The following COL17A1 variants were observed in gnomAD, a reference collection of about 807,000 sequenced individuals.
The protein encoded by COL17A1 is collagen alpha-1(XVII) chain.
A neutral mutation model predicts 218.4 loss-of-function variants in COL17A1; 181 were observed. The observed-to-expected ratio is 0.83, with a 90% CI of 0.73 to 0.94. The LOEUF is 0.94. Ranked by LOEUF, COL17A1 falls within the 40% of genes least tolerant of loss-of-function variation. COL17A1 has a pLI of 0.00. For missense variants in COL17A1, 1,924 were observed against 1,945.9 expected, an observed-to-expected ratio of 0.99 and a Z score of 0.21; for synonymous variants, 721 against 731.0, an observed-to-expected ratio of 0.99 and a Z score of 0.22.
In COL17A1 at chr10:104,078,709, T is replaced by C. The variant is rs1221782070; in HGVS notation, c.53-123A>G. 7.4e-6 allele frequency: 10 copies of C among 1,355,916 alleles called. No individual in the cohort carries two copies. In the Admixed American group the frequency reaches 1.8e-4, roughly 24 times the overall value. The allele number at this position is 1,355,916 out of a possible 1,614,324, so 84.0% of individuals were successfully genotyped here. A position where few individuals can be genotyped will look rare whatever the true frequency, so the allele number is the denominator to read the frequency against. On this transcript the variant is annotated intron_variant, in intron 2 of 55. Coordinates refer to ENST00000648076, the MANE Select transcript of COL17A1 (RefSeq NM_000494.4). The stretch of plus-strand genomic sequence containing the variant: ...ATTAGGTTCGACATTGATTTTTCTA[T>C]CCTTGTGCTTTAAGGTGTGTGATCT...
chr10:104,059,731 C>T lies in COL17A1; in HGVS notation c.1142-13G>A. 6.2e-7 allele frequency: 1 copy of T among 1,612,816 alleles called. No individual in the cohort carries two copies. Among genetic ancestry groups the T allele is most frequent in the Non-Finnish European group, 8.5e-7 (1 of 1,178,806 alleles). ...TCTGAAAAAGAAGCTATGTACAGAACCCATTATAACCTGGCATATTCTCTT... is the reference window on the plus strand; with the variant it reads ...TCTGAAAAAGAAGCTATGTACAGAATCCATTATAACCTGGCATATTCTCTT... On this transcript the variant is annotated splice_polypyrimidine_tract_variant and intron_variant, in intron 14 of 55. Coordinates refer to ENST00000648076, the MANE Select transcript of COL17A1 (RefSeq NM_000494.4).
chr10:104,059,968 G>A (rs1564680988), intron 14 of COL17A1, 151 bp downstream of exon 14: 3 of 1,374,962 alleles, frequency 2.2e-6, no homozygotes, highest in African/African-American at 1.4e-5. Flanking sequence ...GGCAGACCCT[G>A]GAACATACTA....
intron 48 of COL17A1, among the ~76,000 whole-genome samples, chr10:104,036,167 GGTGT>G (rs369781596): frequency 5.3e-3 from 3 of 562 alleles, no homozygotes; most frequent in South Asian, 0.029. Flanking sequence ...TGTGAGTATG[GGTGT>G]GTGTGTATGG....
chr10:104,047,720 C>G lies in COL17A1; in HGVS notation c.2335+19G>C. 1 of 1,608,754 alleles carries G rather than the reference C, an allele frequency of 6.2e-7. No individual in the cohort carries two copies. The highest frequency in any genetic ancestry group is 1.3e-5 in the African/African-American group (1 of 74,920). The stretch of plus-strand genomic sequence containing the variant: ...CACACACTAAGCAGGGCCATGGCTC[C>G]CTCTTCCTGCTCTGTTACCTGGCTT... On this transcript the variant is annotated intron_variant, in intron 31 of 55. Coordinates refer to ENST00000648076, the MANE Select transcript of COL17A1 (RefSeq NM_000494.4).
chr10:104,064,414 G>T, intron 10 of COL17A1, 24 bp downstream of exon 10: 1 of 1,613,830 alleles, frequency 6.2e-7, no homozygotes, highest in Non-Finnish European at 8.5e-7. Flanking sequence ...GGGTGAGAGA[G>T]GGTGTGGGCT....
rs533747899 is a variant in COL17A1, at chr10:104,085,704, A to T, written c.-12+19T>A. The T allele has an allele frequency of 6.5e-6, 1 of 152,680 alleles. No homozygotes were observed. The highest frequency in any genetic ancestry group is 1.5e-5 in the Non-Finnish European group (1 of 68,042). 9.5% of individuals were successfully genotyped at this position (152,680 alleles called of 1,614,324 possible). The stretch of plus-strand genomic sequence containing the variant: ...AGTCTCAGAGAAAAGGAGAAAGGTC[A>T]GTCTTCCTGTTTACTTACCTGGTTT... On this transcript the variant is annotated intron_variant, in intron 1 of 55. Coordinates refer to ENST00000648076, the MANE Select transcript of COL17A1 (RefSeq NM_000494.4).
chr10:104,060,751 T>A lies in COL17A1; in HGVS notation c.980-471A>T, dbSNP rs527292960. Among the ~76,000 whole-genome samples, 3 of 152,350 alleles carry A rather than the reference T, an allele frequency of 2.0e-5. No homozygotes were observed. In the East Asian group the frequency reaches 5.8e-4, roughly 29 times the overall value. ...TCTACCACATTACTTATTGCTTTCC[T>A]TATAATCTGTATCCTTTTCTGTAAT... On this transcript the variant is annotated intron_variant, in intron 13 of 55. Coordinates refer to ENST00000648076, the MANE Select transcript of COL17A1 (RefSeq NM_000494.4).
At chr10:104,041,371 A>G (rs1297234831) in intron 37 of COL17A1, 27 bp from the exon 38 acceptor site, 3 of 1,609,062 alleles carry the variant, frequency 1.9e-6, no homozygotes, top group East Asian at 4.5e-5. Context: ...GGAAGAGGCC[A>G]TGCTGAGCTC....
rs764413943 is a variant in COL17A1 at position 104,037,110 on chromosome 10, G to A, written c.3212C>T (p.Ser1071Leu). The A allele has an allele frequency of 3.1e-6, 5 of 1,603,618 alleles. No individual in the cohort carries two copies. The highest frequency in any genetic ancestry group is 3.4e-6 in the Non-Finnish European group (4 of 1,175,216). ...ASHVVSYLRT[S>L]GYGVSLFSSS... ...CGAGAACAAGCTGACACCGTACCCCGAAGCTGTCGGGAAGAAAACCTCAGG... is the reference window on the plus strand; with the variant it reads ...CGAGAACAAGCTGACACCGTACCCCAAAGCTGTCGGGAAGAAAACCTCAGG... Residue 1071 changes from serine (S) to leucine (L), a missense_variant, in exon 47 of 56, where the codon TCG (serine) becomes TTG (leucine). Coordinates refer to ENST00000648076, the MANE Select transcript of COL17A1 (RefSeq NM_000494.4).
chr10:104,045,352 G>A (rs925904665), intron 33 of COL17A1, among the ~76,000 whole-genome samples: 1 of 152,198 alleles, frequency 6.6e-6, no homozygotes, highest in Non-Finnish European at 1.5e-5. Flanking sequence ...TAAGGGCAAA[G>A]GTAGCTCCTG....
Position 104,057,104 on chromosome 10 carries a change from C to T in COL17A1, c.1336G>A (p.Gly446Ser), listed in dbSNP as rs149983875. 7,258 of 1,612,570 alleles carry T rather than the reference C, an allele frequency of 4.5e-3. 30 individuals are homozygous for T. The highest frequency in any genetic ancestry group is 5.0e-3 in the Non-Finnish European group (5,902 of 1,179,342). Residue 446 changes from glycine to serine, a missense_variant, in exon 17 of 56, where the codon GGC (glycine) becomes AGC (serine). By Grantham distance (56) the Gly-to-Ser change is moderately conservative. Coordinates refer to ENST00000648076, the MANE Select transcript of COL17A1 (RefSeq NM_000494.4). ...GCTGGCGCTGGTCCCCAAGGGCCGC[C>T]GCCAGCGCCACCAACACCGCCACCT... The part of the protein sequence containing the change: ...GGGGGVGGAG[G>S]GPWGPAPAWC...
At chr10:104,048,040 A>G in intron 30 of COL17A1, 29 bp downstream of exon 30, 5 of 1,614,012 alleles carry the variant, frequency 3.1e-6, no homozygotes, top group Non-Finnish European at 4.2e-6. Flanking sequence ...GACGGGAGTG[A>G]GGCTGGGGGC....
intron 48 of COL17A1, 134 bp from the exon 49 acceptor site, chr10:104,035,697 G>T: frequency 1.4e-6 from 1 of 731,512 alleles, no homozygotes. Flanking sequence ...AGGAAGAGAG[G>T]CAGAGAGGAG....
At position 104,074,006 on chromosome 10, in the gene COL17A1, G is replaced by T. The variant is rs148623456; in HGVS notation, c.379+178C>A. The T allele has an allele frequency of 1.8e-5, 16 of 871,858 alleles. No individual in the cohort carries two copies. In the African/African-American group the frequency reaches 2.5e-4, roughly 14 times the overall value. 54.0% of individuals were successfully genotyped at this position (871,858 alleles called of 1,614,324 possible). On this transcript the variant is annotated intron_variant, in intron 6 of 55. Coordinates refer to ENST00000648076, the MANE Select transcript of COL17A1 (RefSeq NM_000494.4). ...TGACAGCAAGTTAATGTGGCTGATA[G>T]TCCCCTTAATATGCTTCAGGATAAA...
chr10:104,036,682 G>T, intron 47 of COL17A1, 50 bp from the exon 48 acceptor site: 4 of 1,604,456 alleles, frequency 2.5e-6, no homozygotes, highest in Non-Finnish European at 3.4e-6. Context: ...CATGGGGGTC[G>T]CAGCCATGAT....
At chr10:104,032,992 C>T in intron 53 of COL17A1, 24 bp from the exon 54 acceptor site, 1 of 1,610,750 alleles carries the variant, frequency 6.2e-7, no homozygotes, top group Non-Finnish European at 8.5e-7. Context: ...GAAACACTGG[C>T]CTTAGAGTCT....
Position 104,041,518 on chromosome 10 carries a change from G to T in COL17A1, c.2572C>A (p.Pro858Thr), listed in dbSNP as rs1241978758. ...GHQEVLNLQGPPGPPGPRGPP... is the reference protein window; with the variant it reads ...GHQEVLNLQGTPGPPGPRGPP... Reference sequence around the variant, plus strand: ...CCGCGTGGGCCGGGTGGGCCTGGGGGACCTTGTAAATTAAGAACTTCTATA... The same window carrying T: ...CCGCGTGGGCCGGGTGGGCCTGGGGTACCTTGTAAATTAAGAACTTCTATA... Residue 858 changes from proline to threonine, a missense_variant, in exon 37 of 56, where the codon CCC becomes ACC. Transcript: ENST00000648076. 2 of 1,613,494 alleles carry T rather than the reference G, an allele frequency of 1.2e-6. No homozygotes were observed. Among genetic ancestry groups the T allele is most frequent in the Admixed American group, 1.7e-5 (1 of 60,016 alleles).
At chr10:104,037,870 G>C in intron 45 of COL17A1, 97 bp from the exon 46 acceptor site, 1 of 1,472,384 alleles carries the variant, frequency 6.8e-7, no homozygotes, top group Non-Finnish European at 9.2e-7. Context: ...TGCCTGCCCC[G>C]CCCCACACAT....
Position 104,076,386 on chromosome 10 carries a change from C to T in COL17A1, c.246G>A (p.Arg82=), listed in dbSNP as rs1026310165. The change falls in exon 5 of 56, where the codon AGG becomes AGA. Residue 82 remains arginine (R), a synonymous_variant. Coordinates refer to ENST00000648076, the MANE Select transcript of COL17A1 (RefSeq NM_000494.4). ...GCAGAGTGGAGGCAGGTGAGTGAGC[C>T]CTCCTGTAACTAGAGGTGGAGGCAT... ...RGHASTSSYR[R]AHSPASTLPN... is the part of the protein sequence containing the mutation. The T allele has an allele frequency of 1.2e-6, 2 of 1,614,096 alleles. No homozygotes were observed. The highest frequency in any genetic ancestry group is 1.7e-5 in the Admixed American group (1 of 60,018).
Sources: allele counts gnomAD v4.1 joint callset (sites outside exome capture counted in the v4.1 genomes callset), GRCh38; gene constraint gnomAD v4.1.1; transcripts MANE v1.5; gene names NCBI Gene and HGNC (gene_info 2026-07-23, HGNC 2026-07-21).